The following NUP98 variants were observed in gnomAD, a reference collection of about 807,000 sequenced individuals.
The protein encoded by NUP98 is nuclear pore complex protein Nup98-Nup96.
A neutral mutation model predicts 191.9 loss-of-function variants in NUP98; 26 were observed. The ratio of observed to expected loss-of-function variants is 0.14; its 90% CI spans 0.10 to 0.19. NUP98 has a LOEUF of 0.19. Ranked by LOEUF, NUP98 falls within the 10% of genes least tolerant of loss-of-function variation. The pLI, the probability that NUP98 is intolerant of heterozygous loss-of-function variation, is 1.00. For missense variants in NUP98, 1,941 were observed against 2,178.8 expected, an observed-to-expected ratio of 0.89 and a Z score of 2.17; for synonymous variants, 808 against 778.4, an observed-to-expected ratio of 1.04 and a Z score of -0.63.
In NUP98 at chr11:3,770,363, T is replaced by C. The variant is rs576836221; in HGVS notation, c.784+1385A>G. On this transcript the variant is annotated intron_variant, in intron 7 of 32. Transcript: ENST00000324932. ...AAAATTAGTCGGGTGTGGTGGCACATGCCTGTAGGGTGGCTGAGGTAGGAG... is the reference window on the plus strand; with the variant it reads ...AAAATTAGTCGGGTGTGGTGGCACACGCCTGTAGGGTGGCTGAGGTAGGAG... Among the ~76,000 whole-genome samples, 7 of 151,924 alleles carry C rather than the reference T, an allele frequency of 4.6e-5. No individual in the cohort carries two copies. The East Asian group carries it at 1.4e-3, about 30-fold the overall frequency.
intron 30 of NUP98, among the ~76,000 whole-genome samples, chr11:3,681,977 G>C (rs1224947888): frequency 2.0e-5 from 3 of 152,210 alleles, no homozygotes; most frequent in Non-Finnish European, 2.9e-5. Context: ...ATCTTAGCTA[G>C]ATCTTCTGGG....
intron 12 of NUP98, among the ~76,000 whole-genome samples, chr11:3,738,511 G>C (rs2080158714): frequency 6.6e-6 from 1 of 152,100 alleles, no homozygotes; most frequent in South Asian, 2.1e-4. Context: ...AGGCATGGTG[G>C]CTCATGCCAG....
chr11:3,761,512 C>A (rs2081167108), intron 9 of NUP98, among the ~76,000 whole-genome samples: 1 of 152,150 alleles, frequency 6.6e-6, no homozygotes, highest in Admixed American at 6.5e-5. Flanking sequence ...GTAATCCCAG[C>A]ACTTTCGGAG....
At chr11:3,716,700 C>T (rs1373166696) in intron 18 of NUP98, among the ~76,000 whole-genome samples, 1 of 151,970 alleles carries the variant, frequency 6.6e-6, no homozygotes, top group Non-Finnish European at 1.5e-5. Flanking sequence ...ACAGCAAGAC[C>T]CTATCTCAAA....
chr11:3,754,115 C>G (rs1350062977), intron 10 of NUP98, among the ~76,000 whole-genome samples: 1 of 151,940 alleles, frequency 6.6e-6, no homozygotes, highest in East Asian at 1.9e-4. Context: ...AATTAATTCC[C>G]CCTAACTTGT....
In NUP98 at chr11:3,754,845, A is replaced by C. The variant is rs180770269; in HGVS notation, c.1175-1437T>G. ...GAATCCCAACCACTTGGGAGGCTGAAGCAGGAGAATTGCTTAAACCCGGGA... is the reference window on the plus strand; with the variant it reads ...GAATCCCAACCACTTGGGAGGCTGACGCAGGAGAATTGCTTAAACCCGGGA... On this transcript the variant is annotated intron_variant, in intron 10 of 32. Coordinates refer to ENST00000324932, the MANE Select transcript of NUP98 (RefSeq NM_016320.5). Among the ~76,000 whole-genome samples the C allele has an allele frequency of 4.6e-4, 70 of 150,584 alleles. No homozygotes were observed. In the East Asian group the frequency reaches 0.012, roughly 27 times the overall value.
chr11:3,683,276 G>A lies in NUP98; in HGVS notation c.4842C>T (p.His1614=). Residue 1614 remains histidine (H), a synonymous_variant, in exon 30 of 33, where the codon CAC becomes CAT. Transcript: ENST00000324932. ...CCTTAAATAAGCAAAGGGCCTCTAA[G>A]TGCTTGTCAGATTCCATGTGTGCTC... ...AVRAHMESDK[H]LEALCLFKAE... 3 of 1,614,174 alleles carry A rather than the reference G, an allele frequency of 1.9e-6. No individual in the cohort carries two copies. Among genetic ancestry groups the A allele is most frequent in the Non-Finnish European group, 2.5e-6 (3 of 1,180,024 alleles).
intron 28 of NUP98, 96 bp from the exon 29 acceptor site, chr11:3,686,290 C>G (rs1445467647): frequency 9.3e-7 from 1 of 1,070,342 alleles, no homozygotes; most frequent in Non-Finnish European, 1.4e-6. Context: ...AATAAAAGAA[C>G]CTGAGAGTGA....
chr11:3,757,610 C>A (rs944730689), intron 10 of NUP98, among the ~76,000 whole-genome samples: 4 of 151,266 alleles, frequency 2.6e-5, no homozygotes, highest in African/African-American at 9.7e-5. Flanking sequence ...ACTAGACTGG[C>A]CAACATGGTA....
chr11:3,726,786 C>CTT (rs906463691), intron 14 of NUP98, among the ~76,000 whole-genome samples: 1 of 144,548 alleles, frequency 6.9e-6, no homozygotes, highest in Non-Finnish European at 1.5e-5. Flanking sequence ...ACTTTTCTTT[C>CTT]TTTTTTTTTT....
chr11:3,769,002 TTC>T (rs2081429875), intron 7 of NUP98, among the ~76,000 whole-genome samples: 1 of 152,194 alleles, frequency 6.6e-6, no homozygotes, highest in Non-Finnish European at 1.5e-5. Flanking sequence ...CACAGCTTCC[TTC>T]TGTTTTACAA....
intron 4 of NUP98, among the ~76,000 whole-genome samples, 184 bp from the exon 5 acceptor site, chr11:3,776,205 T>C (rs899167767): frequency 2.0e-5 from 3 of 150,646 alleles, no homozygotes; most frequent in Non-Finnish European, 2.9e-5. Flanking sequence ...CACTGCAGCC[T>C]TGACCTCACA....
At chr11:3,699,820 T>C (rs941033671) in intron 24 of NUP98, among the ~76,000 whole-genome samples, 6 of 152,186 alleles carry the variant, frequency 3.9e-5, no homozygotes, top group South Asian at 2.1e-4. Context: ...ACGTGTGGCA[T>C]AGGACATTCT....
intron 8 of NUP98, among the ~76,000 whole-genome samples, chr11:3,764,472 A>G (rs1460077389): frequency 1.3e-5 from 2 of 152,200 alleles, no homozygotes; most frequent in African/African-American, 4.8e-5. Context: ...TTGCTGGGTC[A>G]TATCGTAACT....
chr11:3,731,831 C>T (rs758888561), intron 13 of NUP98, among the ~76,000 whole-genome samples: 1 of 152,124 alleles, frequency 6.6e-6, no homozygotes, highest in African/African-American at 2.4e-5. Flanking sequence ...ATTATACTTA[C>T]CAGTTGAGTA....
chr11:3,784,954 T>C (rs1323315779), intron 1 of NUP98, among the ~76,000 whole-genome samples: 2 of 151,690 alleles, frequency 1.3e-5, no homozygotes, highest in East Asian at 1.9e-4. Context: ...CTGGCCAACA[T>C]GGTGAAACCC....
chr11:3,774,775 GTAAAAC>G (rs1325028161), intron 5 of NUP98, among the ~76,000 whole-genome samples: 1 of 151,878 alleles, frequency 6.6e-6, no homozygotes, highest in Non-Finnish European at 1.5e-5. Flanking sequence ...GGCACAATAA[GTAAAAC>G]TAACGATTCC....
intron 8 of NUP98, among the ~76,000 whole-genome samples, chr11:3,766,526 C>T (rs1333535339): frequency 6.6e-6 from 1 of 151,610 alleles, no homozygotes; most frequent in Non-Finnish European, 1.5e-5. Context: ...CCCGGCTCTA[C>T]TAAAAATACA....
At position 3,744,669 on chromosome 11, in the gene NUP98, G is replaced by T; in HGVS notation, c.1268-20C>A. The stretch of plus-strand genomic sequence containing the variant: ...CAAGAGCTACGGAGACAAGAGGAAA[G>T]AAAAAAGCACCACAGAAGATCCTTT... On this transcript the variant is annotated intron_variant, in intron 11 of 32. Transcript: ENST00000324932. 6.3e-7 allele frequency: 1 copy of T among 1,584,532 alleles called. No homozygotes were observed. The highest frequency in any genetic ancestry group is 2.2e-5 in the East Asian group (1 of 44,564).
Sources: allele counts gnomAD v4.1 joint callset (sites outside exome capture counted in the v4.1 genomes callset), GRCh38; gene constraint gnomAD v4.1.1; transcripts MANE v1.5; gene names NCBI Gene and HGNC (gene_info 2026-07-23, HGNC 2026-07-21).